The following DDX52 variants were observed in gnomAD, a reference collection of about 807,000 sequenced individuals.
DDX52 encodes DExD-box helicase 52.
A neutral mutation model predicts 76.1 loss-of-function variants in DDX52; 59 were observed. That is an observed-to-expected ratio of 0.78 (90% CI 0.63 to 0.96). The LOEUF is 0.96. DDX52 is among the 40% of genes least tolerant of loss of function. The probability of loss-of-function intolerance (pLI) is 0.00; values close to 1 mark genes in which losing one functional copy is unlikely to be tolerated. For synonymous variants in DDX52, 231 were observed against 244.1 expected (o/e 0.95, Z 0.50); for missense variants, 707 against 703.9 (o/e 1.00, Z -0.05).
intron 2 of DDX52, among the ~76,000 whole-genome samples, chr17:37,634,533 A>T (rs2030839400): frequency 6.6e-6 from 1 of 151,656 alleles, no homozygotes; most frequent in Non-Finnish European, 1.5e-5. Flanking sequence ...CAGGAGGCTG[A>T]GGCAGGAGAA....
intron 2 of DDX52, chr17:37,639,397 C>T: frequency 1.0e-6 from 1 of 989,022 alleles, no homozygotes; most frequent in Non-Finnish European, 1.2e-6. Context: ...ACTAAATGAC[C>T]CAAATCATTA....
At chr17:37,633,531 C>CT in intron 2 of DDX52, 113 bp from the exon 3 acceptor site, 1 of 794,994 alleles carries the variant, frequency 1.3e-6, no homozygotes, top group East Asian at 4.4e-5. Context: ...TGGTGCAAGC[C>CT]TGTAGTCCCA....
rs1396248914 is a variant in DDX52 at position 37,630,018 on chromosome 17, T to C, written c.747+12A>G. On this transcript the variant is annotated intron_variant, in intron 5 of 14. Transcript: ENST00000617633. Reference sequence around the variant, plus strand: ...AACCAATCGCATACTCTTCAAAAGCTACAAGTCATACCTGGCTGGCAAGTT... The same window carrying C: ...AACCAATCGCATACTCTTCAAAAGCCACAAGTCATACCTGGCTGGCAAGTT... 1 of 1,601,182 alleles carries C rather than the reference T, an allele frequency of 6.2e-7. No individual in the cohort carries two copies. The highest frequency in any genetic ancestry group is 8.5e-7 in the Non-Finnish European group (1 of 1,176,600).
chr17:37,633,219 C>A, intron 3 of DDX52, 69 bp downstream of exon 3: 1 of 1,459,808 alleles, frequency 6.9e-7, no homozygotes, highest in Non-Finnish European at 9.1e-7. Context: ...ACAGAATAAC[C>A]CAAATCCAGC....
intron 8 of DDX52, among the ~76,000 whole-genome samples, chr17:37,625,433 C>A (rs1029314746): frequency 6.6e-6 from 1 of 152,186 alleles, no homozygotes; most frequent in African/African-American, 2.4e-5. Context: ...TCAGGGGTTA[C>A]ATAATAATCC....
intron 2 of DDX52, among the ~76,000 whole-genome samples, chr17:37,636,325 G>A (rs117928396): frequency 8.5e-5 from 13 of 152,154 alleles, no homozygotes; most frequent in African/African-American, 2.7e-4. Context: ...TCCGTTTGTC[G>A]AAAAGACTTT....
At position 37,633,165 on chromosome 17, in the gene DDX52, T is replaced by A; in HGVS notation, c.417+123A>T. 1.8e-6 allele frequency: 2 copies of A among 1,081,934 alleles called. 1 individual carries two copies. The highest frequency in any genetic ancestry group is 6.2e-5 in the Admixed American group (2 of 32,152). The allele number at this position is 1,081,934 out of a possible 1,614,324, so 67.0% of individuals were successfully genotyped here. On this transcript the variant is annotated intron_variant, in intron 3 of 14. Coordinates refer to ENST00000617633, the MANE Select transcript of DDX52 (RefSeq NM_007010.5). Reference sequence around the variant, plus strand: ...TTCATTAAAGTAAAATCTAAATGAATGTAATTAACCTTCTATCTTAACAAA... The same window carrying A: ...TTCATTAAAGTAAAATCTAAATGAAAGTAATTAACCTTCTATCTTAACAAA...
At chr17:37,627,815 T>C (rs1598759503) in intron 6 of DDX52, among the ~76,000 whole-genome samples, 1 of 152,092 alleles carries the variant, frequency 6.6e-6, no homozygotes, top group East Asian at 1.9e-4. Flanking sequence ...TTGCTCAGGC[T>C]GGAGTACAGT....
intron 14 of DDX52, among the ~76,000 whole-genome samples, chr17:37,614,608 G>A (rs995849833): frequency 6.6e-6 from 1 of 152,186 alleles, no homozygotes; most frequent in Non-Finnish European, 1.5e-5. Flanking sequence ...GACCTAATGA[G>A]TTCACAATGA....
At chr17:37,639,494 T>C (rs1368779589) in intron 2 of DDX52, 1 of 987,142 alleles carries the variant, frequency 1.0e-6, no homozygotes, top group Non-Finnish European at 1.2e-6. Context: ...TCCCAGCACT[T>C]TGGGAGCCCA....
In DDX52 at chr17:37,619,659, C is replaced by T. The variant is rs1472482774; in HGVS notation, c.1649+109G>A. 9 of 927,870 alleles carry T rather than the reference C, an allele frequency of 9.7e-6. No individual in the cohort carries two copies. In the Admixed American group the frequency reaches 1.3e-4, roughly 14 times the overall value. 57.5% of individuals were successfully genotyped at this position (927,870 alleles called of 1,614,324 possible). A position where few individuals can be genotyped will look rare whatever the true frequency, so the allele number is the denominator to read the frequency against. The stretch of plus-strand genomic sequence containing the variant: ...CCTAGGAGATCAAGACTACAGTGAG[C>T]TGTGATCATGCCACTGCACTGCAGT... On this transcript the variant is annotated intron_variant, in intron 13 of 14. Transcript: ENST00000617633.
chr17:37,624,253 A>G, intron 9 of DDX52, 91 bp downstream of exon 9: 1 of 829,104 alleles, frequency 1.2e-6, no homozygotes, highest in Non-Finnish European at 1.9e-6. Flanking sequence ...CAAGATGATG[A>G]TGATACAGTG....
chr17:37,626,595 C>A (rs1438508602), intron 7 of DDX52, among the ~76,000 whole-genome samples, 193 bp downstream of exon 7: 2 of 151,696 alleles, frequency 1.3e-5, no homozygotes, highest in Admixed American at 6.5e-5. Context: ...TGTACCTATT[C>A]CAATAGCCTC....
intron 9 of DDX52, chr17:37,624,041 G>T (rs1301307473): frequency 1.1e-5 from 2 of 186,078 alleles, no homozygotes; most frequent in African/African-American, 4.7e-5. Context: ...GCATCAGATA[G>T]ATCGTTTCCT....
intron 14 of DDX52, chr17:37,614,818 C>CTA (rs1175019419): frequency 3.2e-5 from 5 of 154,092 alleles, no homozygotes; most frequent in African/African-American, 1.2e-4. Flanking sequence ...CAGTCTGATC[C>CTA]TATAGCCTAG....
At position 37,613,836 on chromosome 17, in the gene DDX52, A is replaced by C; in HGVS notation, c.*460T>G. 6.5e-6 allele frequency: 1 copy of C among 153,196 alleles called. No individual in the cohort carries two copies. Among genetic ancestry groups the C allele is most frequent in the Non-Finnish European group, 1.5e-5 (1 of 68,356 alleles). The allele number at this position is 153,196 out of a possible 1,614,324, so 9.5% of individuals were successfully genotyped here. On this transcript the variant is annotated 3_prime_UTR_variant, in exon 15 of 15. Transcript: ENST00000617633. Reference sequence around the variant, plus strand: ...ACACCTTCCTTCACACTTGAAGGGAAAAGTCCTTAAGAGTTCACCACATTT... The same window carrying C: ...ACACCTTCCTTCACACTTGAAGGGACAAGTCCTTAAGAGTTCACCACATTT...
intron 2 of DDX52, among the ~76,000 whole-genome samples, chr17:37,639,883 G>C (rs1015470830): frequency 6.6e-6 from 1 of 152,038 alleles, no homozygotes; most frequent in Non-Finnish European, 1.5e-5. Flanking sequence ...AGTTTGTGGC[G>C]TGTCTTTCTT....
rs780079338 is a variant in DDX52 at position 37,611,112 on chromosome 17, T to A, written c.*3184A>T. On this transcript the variant is annotated 3_prime_UTR_variant, in exon 15 of 15. Coordinates refer to ENST00000617633, the MANE Select transcript of DDX52 (RefSeq NM_007010.5). ...CTCAGGATGTCGGCCTTCCATGACA[T>A]CCCCAATCTGGGTTAGATGCCCTCT... is the stretch of plus-strand genomic sequence containing the variant. 1 of 152,236 alleles carries A rather than the reference T, an allele frequency of 6.6e-6. No individual in the cohort carries two copies. 9.4% of individuals were successfully genotyped at this position (152,236 alleles called of 1,614,324 possible). A position where few individuals can be genotyped will look rare whatever the true frequency, so the allele number is the denominator to read the frequency against.
intron 9 of DDX52, among the ~76,000 whole-genome samples, chr17:37,622,167 T>TC (rs1225393323): frequency 0.073 from 6 of 82 alleles, no homozygotes; most frequent in East Asian, 0.5. Context: ...TAAGTAAACA[T>TC]TTTTTTTTTA....
Sources: allele counts gnomAD v4.1 joint callset (sites outside exome capture counted in the v4.1 genomes callset), GRCh38; gene constraint gnomAD v4.1.1; transcripts MANE v1.5; gene names NCBI Gene and HGNC (gene_info 2026-07-23, HGNC 2026-07-21).